ARFGEF1: variants seen among roughly 807,000 people sequenced by gnomAD.
ARFGEF1 encodes brefeldin A-inhibited guanine nucleotide-exchange protein 1.
ARFGEF1 carries 42 observed loss-of-function variants against 231.0 expected under a neutral mutation model. The observed-to-expected ratio is 0.18, with a 90% CI of 0.14 to 0.24. ARFGEF1 has a LOEUF of 0.24. Ranked by LOEUF, ARFGEF1 falls within the 10% of genes least tolerant of loss-of-function variation. ARFGEF1 has a pLI of 1.00. For synonymous variants in ARFGEF1, 710 were observed against 732.3 expected, an observed-to-expected ratio of 0.97 and a Z score of 0.49; for missense variants, 1,345 against 2,192.0, an observed-to-expected ratio of 0.61 and a Z score of 7.72.
At chr8:67,282,532 T>G (rs1461028303) in intron 7 of ARFGEF1, among the ~76,000 whole-genome samples, 1 of 152,090 alleles carries the variant, frequency 6.6e-6, no homozygotes, top group African/African-American at 2.4e-5. Context: ...AAATTTTTTT[T>G]GTGGTCAAGT....
intron 1 of ARFGEF1, among the ~76,000 whole-genome samples, chr8:67,339,429 T>C (rs969933912): frequency 6.6e-6 from 1 of 152,090 alleles, no homozygotes; most frequent in African/African-American, 2.4e-5. Flanking sequence ...TCAGAAAGCA[T>C]AAGCTGAACT....
intron 7 of ARFGEF1, among the ~76,000 whole-genome samples, chr8:67,286,352 T>C (rs1805757997): frequency 6.6e-6 from 1 of 152,190 alleles, no homozygotes; most frequent in Non-Finnish European, 1.5e-5. Context: ...TTTTCCTAAG[T>C]AAAAAGTTGC....
At chr8:67,288,319 A>C (rs1249061774) in intron 6 of ARFGEF1, among the ~76,000 whole-genome samples, 5 of 152,260 alleles carry the variant, frequency 3.3e-5, no homozygotes, top group Non-Finnish European at 7.3e-5. Context: ...TGAATTTTCT[A>C]GATTAGTCCT....
intron 5 of ARFGEF1, among the ~76,000 whole-genome samples, chr8:67,191,889 C>G (rs1403861462): frequency 6.6e-6 from 1 of 152,124 alleles, no homozygotes; most frequent in Non-Finnish European, 1.5e-5. Flanking sequence ...GTTGTAATTT[C>G]TGTATATCCT....
chr8:67,314,508 G>C (rs1031631844), intron 1 of ARFGEF1, among the ~76,000 whole-genome samples: 5 of 152,148 alleles, frequency 3.3e-5, no homozygotes, highest in Non-Finnish European at 7.3e-5. Context: ...TCCAGGTAAA[G>C]TCAGAAACTT....
intron 1 of ARFGEF1, among the ~76,000 whole-genome samples, chr8:67,317,609 TAA>T (rs113373370): frequency 0.013 from 1,688 of 127,492 alleles, 33 homozygotes; most frequent in African/African-American, 0.048. Flanking sequence ...AACTAATATT[TAA>T]AAAAAAAAAA....
chr8:67,179,337 A>C (rs1317624553), intron 5 of ARFGEF1, among the ~76,000 whole-genome samples: 2 of 152,136 alleles, frequency 1.3e-5, no homozygotes, highest in Non-Finnish European at 2.9e-5. Flanking sequence ...ATAATCTGAG[A>C]GTATACCCCT....
Position 67,209,299 on chromosome 8 carries a change from GAA to G in ARFGEF1, c.4819+2182_4819+2183del, listed in dbSNP as rs536983122. 4.4e-3 allele frequency among the ~76,000 whole-genome samples: 674 copies of G among 152,322 alleles called. 9 individuals carry two copies. The highest frequency in any genetic ancestry group is 0.015 in the African/African-American group (641 of 41,564). ...ATTATGCTACAACATGATGCGTCTT[GAA>G]AACACTGTGAGAGAAGACAGACACA... On this transcript the variant is annotated intron_variant, in intron 34 of 38. Transcript: ENST00000262215.
intron 33 of ARFGEF1, among the ~76,000 whole-genome samples, chr8:67,215,694 G>A (rs941835350): frequency 2.0e-5 from 3 of 152,174 alleles, no homozygotes; most frequent in Admixed American, 2.0e-4. Flanking sequence ...AGCTAGTAAG[G>A]ATTCTCCCTT....
In ARFGEF1 at chr8:67,248,067, C is replaced by T. The variant is rs1009032654; in HGVS notation, c.2850+3232G>A. The stretch of plus-strand genomic sequence containing the variant: ...TTATGGATTAGAAGAATCAATATTG[C>T]TAAAATGTCCATATTACCCAAAGCA... On this transcript the variant is annotated intron_variant, in intron 19 of 38. Transcript: ENST00000262215. Among the ~76,000 whole-genome samples the T allele has an allele frequency of 4.1e-4, 62 of 149,756 alleles. 6 individuals are homozygous for T. Among genetic ancestry groups the T allele is most frequent in the African/African-American group, 1.5e-3 (59 of 40,080 alleles).
intron 10 of ARFGEF1, among the ~76,000 whole-genome samples, chr8:67,269,204 T>C (rs1478632428): frequency 6.6e-6 from 1 of 152,180 alleles, no homozygotes; most frequent in African/African-American, 2.4e-5. Context: ...TCTTCTGGAA[T>C]AGATATATAA....
At chr8:67,306,217 T>C (rs985026091) in intron 1 of ARFGEF1, among the ~76,000 whole-genome samples, 7 of 152,172 alleles carry the variant, frequency 4.6e-5, no homozygotes, top group Admixed American at 4.6e-4. Context: ...CAACAGTCAG[T>C]TGTGATAACT....
In ARFGEF1 at chr8:67,334,284, CAAA is replaced by C. The variant is rs35170687; in HGVS notation, c.124+8877_124+8879del. ...ATGTATATGCAAATATTCCAAAGTCCAAAAAAAAAAAAAAAAACAAAATTGAAA... is the reference window on the plus strand; with the variant it reads ...ATGTATATGCAAATATTCCAAAGTCCAAAAAAAAAAAAAACAAAATTGAAA... On this transcript the variant is annotated intron_variant, in intron 1 of 38. Transcript: ENST00000262215. Among the ~76,000 whole-genome samples the C allele has an allele frequency of 4.6e-3, 485 of 104,930 alleles. 4 individuals are homozygous for C. Among genetic ancestry groups the C allele is most frequent in the African/African-American group, 0.016 (465 of 29,856 alleles). 68.8% of individuals were successfully genotyped at this position (104,930 alleles called of 152,430 possible).
At chr8:67,215,974 C>A (rs182283728) in intron 33 of ARFGEF1, among the ~76,000 whole-genome samples, 1 of 152,148 alleles carries the variant, frequency 6.6e-6, no homozygotes, top group African/African-American at 2.4e-5. Flanking sequence ...GAGACAGCTA[C>A]GTAATCTGGT....
chr8:67,304,169 G>T (rs533476107), intron 1 of ARFGEF1, among the ~76,000 whole-genome samples: 3 of 152,128 alleles, frequency 2.0e-5, no homozygotes, highest in Non-Finnish European at 4.4e-5. Flanking sequence ...CATCTTTCAC[G>T]TACCAGATAC....
chr8:67,282,843 AT>A (rs1805592422), intron 7 of ARFGEF1, among the ~76,000 whole-genome samples: 1 of 137,548 alleles, frequency 7.3e-6, no homozygotes, highest in Non-Finnish European at 1.6e-5. Context: ...GCAAGACTTC[AT>A]CTCAAAAAAA....
At chr8:67,218,203 AAAAAATATATATATAT>A in intron 30 of ARFGEF1, 65 bp from the exon 31 acceptor site, 1 of 167,048 alleles carries the variant, frequency 6.0e-6, no homozygotes, top group African/African-American at 6.1e-5. Flanking sequence ...AAAAAAAAAA[AAAAAATATATATATAT>A]ATATATATAT....
chr8:67,326,933 C>T (rs948032434), intron 1 of ARFGEF1, among the ~76,000 whole-genome samples: 3 of 152,158 alleles, frequency 2.0e-5, no homozygotes, highest in Admixed American at 6.5e-5. Context: ...AAGGTCTTGA[C>T]TTGAAGAACA....
intron 6 of ARFGEF1, among the ~76,000 whole-genome samples, chr8:67,288,956 A>C (rs1263628819): frequency 6.6e-6 from 1 of 151,954 alleles, no homozygotes; most frequent in African/African-American, 2.4e-5. Context: ...AAAACAAAAA[A>C]AACAAAAAAA....
Sources: allele counts gnomAD v4.1 joint callset (sites outside exome capture counted in the v4.1 genomes callset), GRCh38; gene constraint gnomAD v4.1.1; transcripts MANE v1.5; gene names NCBI Gene and HGNC (gene_info 2026-07-23, HGNC 2026-07-21).